CACNA1C: variants seen among roughly 807,000 people sequenced by gnomAD.
CACNA1C encodes calcium voltage-gated channel subunit alpha1 C.
A neutral mutation model predicts 229.0 loss-of-function variants in CACNA1C; 30 were observed. The observed-to-expected ratio is 0.13, with a 90% CI of 0.10 to 0.18. The LOEUF (loss-of-function observed/expected upper bound fraction) is 0.18. CACNA1C is among the 10% of genes least tolerant of loss of function. The pLI, the probability that CACNA1C is intolerant of heterozygous loss-of-function variation, is 1.00. For synonymous variants in CACNA1C, 1,114 were observed against 1,132.5 expected, an observed-to-expected ratio of 0.98 and a Z score of 0.33; for missense variants, 1,658 against 2,845.0, an observed-to-expected ratio of 0.58 and a Z score of 9.49.
At chr12:2,089,831 G>A (rs11062115) in intron 1 of CACNA1C, among the ~76,000 whole-genome samples, 41,105 of 151,678 alleles carry the variant, frequency 0.27, 7,319 homozygotes, top group East Asian at 0.63. Flanking sequence ...TCGGGAGATC[G>A]AGACCAGCCT....
At chr12:2,587,876 C>T (rs568237679) in intron 18 of CACNA1C, among the ~76,000 whole-genome samples, 37 of 152,302 alleles carry the variant, frequency 2.4e-4, no homozygotes, top group African/African-American at 8.4e-4. Context: ...CCACCACGTA[C>T]ACCAGCCACC....
At chr12:2,478,955 C>T (rs774436145) in intron 5 of CACNA1C, among the ~76,000 whole-genome samples, 4 of 152,154 alleles carry the variant, frequency 2.6e-5, no homozygotes, top group African/African-American at 9.7e-5. Context: ...AGCCTGGGTA[C>T]GCCTGTCTCT....
intron 3 of CACNA1C, among the ~76,000 whole-genome samples, chr12:2,347,186 G>A (rs1420898856): frequency 6.6e-6 from 1 of 152,168 alleles, no homozygotes; most frequent in Non-Finnish European, 1.5e-5. Flanking sequence ...GCTAGCATCT[G>A]AATGGATGAA....
chr12:2,447,401 G>A (rs2099309284), intron 3 of CACNA1C, among the ~76,000 whole-genome samples: 1 of 152,150 alleles, frequency 6.6e-6, no homozygotes, highest in Non-Finnish European at 1.5e-5. Flanking sequence ...ACGCCGCGGC[G>A]TGATCTGGGC....
intron 3 of CACNA1C, among the ~76,000 whole-genome samples, chr12:2,445,303 G>A (rs2099267045): frequency 6.6e-6 from 1 of 152,172 alleles, no homozygotes; most frequent in South Asian, 2.1e-4. Context: ...AATTGTATTG[G>A]AATCATCTGT....
chr12:2,119,824 C>T (rs1389868223), intron 2 of CACNA1C, among the ~76,000 whole-genome samples: 1 of 152,240 alleles, frequency 6.6e-6, no homozygotes. Flanking sequence ...CCACTCTTAA[C>T]CTTAGTTTAA....
At chr12:2,670,832 C>A (rs1437561502) in intron 38 of CACNA1C, among the ~76,000 whole-genome samples, 1 of 150,128 alleles carries the variant, frequency 6.7e-6, no homozygotes, top group Non-Finnish European at 1.5e-5. Context: ...CTAGCCTGGG[C>A]GACAGAGTGA....
chr12:2,120,294 TG>T, intron 2 of CACNA1C, 30 bp from the exon 3 acceptor site: 1 of 976,120 alleles, frequency 1.0e-6, no homozygotes, highest in Non-Finnish European at 1.7e-6. Flanking sequence ...GTACTTTCTG[TG>T]GCATTAACTT....
chr12:2,616,934 C>T (rs1225882652), intron 29 of CACNA1C, among the ~76,000 whole-genome samples: 1 of 152,260 alleles, frequency 6.6e-6, no homozygotes, highest in Admixed American at 6.5e-5. Flanking sequence ...CCATCTGGGG[C>T]TGTGGCTCCT....
At chr12:2,164,574 A>C (rs186689450) in intron 3 of CACNA1C, among the ~76,000 whole-genome samples, 1 of 152,324 alleles carries the variant, frequency 6.6e-6, no homozygotes, top group East Asian at 1.9e-4. Context: ...GTTGTGGCTT[A>C]TCACCCGCAC....
chr12:2,677,395 C>A lies in CACNA1C; in HGVS notation c.4956+174C>A. 1 of 700,386 alleles carries A rather than the reference C, an allele frequency of 1.4e-6. No individual in the cohort carries two copies. The highest frequency in any genetic ancestry group is 2.3e-6 in the Non-Finnish European group (1 of 431,324). The allele number at this position is 700,386 out of a possible 1,614,324, so 43.4% of individuals were successfully genotyped here. A position where few individuals can be genotyped will look rare whatever the true frequency, so the allele number is the denominator to read the frequency against. ...GGCTGTGAGAAGGGGGTGATGTGCC[C>A]TTCCCTACCTGCCACCCACCGACTG... is the stretch of plus-strand genomic sequence containing the variant. On this transcript the variant is annotated intron_variant, in intron 40 of 46. Transcript: ENST00000399655. The surrounding 1 kb of genome is among the most constrained non-coding windows in gnomAD (Gnocchi z 7.4).
intron 3 of CACNA1C, among the ~76,000 whole-genome samples, chr12:2,245,465 T>A (rs1211440380): frequency 6.6e-6 from 1 of 152,216 alleles, no homozygotes; most frequent in East Asian, 1.9e-4. Context: ...GAGAGTGTCA[T>A]CCCATTTCAC....
At chr12:2,358,613 A>G (rs2097458774) in intron 3 of CACNA1C, among the ~76,000 whole-genome samples, 1 of 152,170 alleles carries the variant, frequency 6.6e-6, no homozygotes, top group Admixed American at 6.5e-5. Flanking sequence ...CTTGAAAGAA[A>G]GGAGAAGTGC....
At chr12:1,989,559 C>T (rs527430629) in intron 1 of CACNA1C, among the ~76,000 whole-genome samples, 1 of 152,264 alleles carries the variant, frequency 6.6e-6, no homozygotes, top group Admixed American at 6.5e-5. Flanking sequence ...ACTAAAAACA[C>T]AAAAATCAGC....
intron 3 of CACNA1C, among the ~76,000 whole-genome samples, chr12:2,404,847 G>A (rs1345438982): frequency 1.3e-5 from 2 of 152,188 alleles, no homozygotes; most frequent in Non-Finnish European, 2.9e-5. Context: ...ATGAAGGACC[G>A]AGGGTATCCA....
chr12:2,431,405 G>A (rs2099083284), intron 3 of CACNA1C, among the ~76,000 whole-genome samples: 1 of 152,056 alleles, frequency 6.6e-6, no homozygotes, highest in African/African-American at 2.4e-5. Context: ...ACTAAAATTA[G>A]AACCCAAGAT....
rs2097678338 is a variant in CACNA1C, at chr12:2,689,084, A to G, written c.6117+305A>G. Among the ~76,000 whole-genome samples the G allele has an allele frequency of 6.6e-6, 1 of 152,126 alleles. No individual in the cohort carries two copies. The highest frequency in any genetic ancestry group is 2.4e-5 in the African/African-American group (1 of 41,438). ...TGAGCCTGGCTGCCTTTATACACAG[A>G]CAGGCAAGATCCAAGGTGCTCAGGC... is the stretch of plus-strand genomic sequence containing the variant. On this transcript the variant is annotated intron_variant, in intron 46 of 46. Transcript: ENST00000399655. The surrounding 1 kb of genome is among the most constrained non-coding windows in gnomAD (Gnocchi z 4.2).
Position 2,691,451 on chromosome 12 carries a change from C to A in CACNA1C, c.*252C>A. The A allele has an allele frequency of 2.6e-6, 1 of 387,134 alleles. No individual in the cohort carries two copies. 24.0% of individuals were successfully genotyped at this position (387,134 alleles called of 1,614,324 possible). A position where few individuals can be genotyped will look rare whatever the true frequency, so the allele number is the denominator to read the frequency against. On this transcript the variant is annotated 3_prime_UTR_variant, in exon 47 of 47. Transcript: ENST00000399655. ...CGCGAGGAAGGCGCCTGCCCTCTCCCAGCTCGCAGGCCCCGGGCCCGGCCG... is the reference window on the plus strand; with the variant it reads ...CGCGAGGAAGGCGCCTGCCCTCTCCAAGCTCGCAGGCCCCGGGCCCGGCCG...
intron 9 of CACNA1C, among the ~76,000 whole-genome samples, chr12:2,527,864 AG>A (rs2099824898): frequency 6.6e-6 from 1 of 152,136 alleles, no homozygotes; most frequent in Non-Finnish European, 1.5e-5. Context: ...TAGGAAGCTA[AG>A]GGGTCAGTTG....
Sources: allele counts gnomAD v4.1 joint callset (sites outside exome capture counted in the v4.1 genomes callset), GRCh38; gene constraint gnomAD v4.1.1; non-coding constraint Gnocchi (gnomAD v3.1); transcripts MANE v1.5; gene names NCBI Gene and HGNC (gene_info 2026-07-23, HGNC 2026-07-21).